Variants in NTRK3 observed in about 807,000 individuals in gnomAD.
NTRK3 encodes neurotrophic receptor tyrosine kinase 3.
In NTRK3, 24 loss-of-function variants were observed where a neutral mutation model predicts 91.7. The ratio of observed to expected loss-of-function variants is 0.26; its 90% CI spans 0.19 to 0.37. The LOEUF is 0.37. Among genes scored for constraint, NTRK3 ranks in the 10% least tolerant of loss-of-function variants. The pLI, the probability that NTRK3 is intolerant of heterozygous loss-of-function variation, is 1.00. For missense variants in NTRK3, 880 were observed against 1,068.9 expected, an observed-to-expected ratio of 0.82 and a Z score of 2.46; for synonymous variants, 483 against 404.0, an observed-to-expected ratio of 1.20 and a Z score of -2.34.
At chr15:88,072,453 A>T (rs2047174798) in intron 13 of NTRK3, 1 of 228,914 alleles carries the variant, frequency 4.4e-6, no homozygotes, top group Non-Finnish European at 8.7e-6. Flanking sequence ...TATTCCGGAG[A>T]GGGAGAGGTC....
chr15:87,929,107 A>T (rs2068572333), intron 17 of NTRK3, 84 bp downstream of exon 17: 2 of 1,605,290 alleles, frequency 1.2e-6, no homozygotes, highest in East Asian at 4.5e-5. Context: ...TGCCAGAGTG[A>T]CAGGGTTAAT....
chr15:88,252,066 A>C (rs1332048663), intron 3 of NTRK3, among the ~76,000 whole-genome samples: 1 of 152,150 alleles, frequency 6.6e-6, no homozygotes, highest in Non-Finnish European at 1.5e-5. Flanking sequence ...CAGGAGACCA[A>C]GGTCTCCAGG....
intron 3 of NTRK3, among the ~76,000 whole-genome samples, chr15:88,216,533 A>C (rs1401961409): frequency 1.3e-5 from 2 of 152,194 alleles, no homozygotes; most frequent in Non-Finnish European, 2.9e-5. Flanking sequence ...ACCCCAAATT[A>C]GCAGTGAGAC....
chr15:88,114,865 G>C (rs2051861266), intron 13 of NTRK3, among the ~76,000 whole-genome samples: 1 of 152,118 alleles, frequency 6.6e-6, no homozygotes, highest in African/African-American at 2.4e-5. Context: ...TTTAAAAGTT[G>C]TCATTTTTAA....
chr15:88,082,622 T>C (rs922464918), intron 13 of NTRK3, among the ~76,000 whole-genome samples: 1 of 152,208 alleles, frequency 6.6e-6, no homozygotes, highest in Non-Finnish European at 1.5e-5. Flanking sequence ...TTCTCTCTTA[T>C]GTCTGGCTTC....
intron 13 of NTRK3, among the ~76,000 whole-genome samples, chr15:88,096,497 C>T (rs1489729222): frequency 6.6e-6 from 1 of 152,170 alleles, no homozygotes; most frequent in Non-Finnish European, 1.5e-5. Flanking sequence ...CCTGAGTCTC[C>T]TGGCAAAGAC....
chr15:88,108,222 A>G (rs2050923302), intron 13 of NTRK3, among the ~76,000 whole-genome samples: 1 of 152,202 alleles, frequency 6.6e-6, no homozygotes, highest in African/African-American at 2.4e-5. Flanking sequence ...ACCCTCCATG[A>G]AACCCACAGA....
At chr15:88,058,107 G>A (rs2045889768) in intron 13 of NTRK3, among the ~76,000 whole-genome samples, 1 of 152,242 alleles carries the variant, frequency 6.6e-6, no homozygotes, top group Admixed American at 6.5e-5. Flanking sequence ...GGGAAGGCAA[G>A]AGCAGATGGC....
At chr15:88,073,166 G>T (rs548468585) in intron 13 of NTRK3, among the ~76,000 whole-genome samples, 1 of 152,254 alleles carries the variant, frequency 6.6e-6, no homozygotes, top group East Asian at 1.9e-4. Context: ...CCTCACCTGG[G>T]ATCTTGTTAA....
intron 13 of NTRK3, among the ~76,000 whole-genome samples, chr15:88,067,226 C>A (rs3784429): frequency 6.6e-6 from 1 of 151,914 alleles, no homozygotes; most frequent in Admixed American, 6.6e-5. Context: ...GACTCCCACA[C>A]GCCATTTTTT....
chr15:88,146,518 C>T (rs571415982), intron 6 of NTRK3, among the ~76,000 whole-genome samples: 111 of 152,216 alleles, frequency 7.3e-4, no homozygotes, highest in Non-Finnish European at 1.3e-3. Flanking sequence ...TTTATACCCT[C>T]AACATAATAT....
intron 13 of NTRK3, among the ~76,000 whole-genome samples, chr15:88,037,996 C>T (rs1201949146): frequency 6.6e-6 from 1 of 152,208 alleles, no homozygotes; most frequent in Non-Finnish European, 1.5e-5. Flanking sequence ...CATAACCCTC[C>T]ACCAGCACTG....
At chr15:87,997,167 A>G (rs1257404950) in intron 14 of NTRK3, among the ~76,000 whole-genome samples, 2 of 152,208 alleles carry the variant, frequency 1.3e-5, no homozygotes, top group Non-Finnish European at 2.9e-5. Context: ...AATGGGGATA[A>G]CTATACTTCC....
chr15:87,887,441 A>G (rs1361101390), intron 17 of NTRK3, among the ~76,000 whole-genome samples: 1 of 152,226 alleles, frequency 6.6e-6, no homozygotes, highest in Non-Finnish European at 1.5e-5. Flanking sequence ...AGAGTGAAGC[A>G]ACAGCCTGCC....
At chr15:87,917,997 GT>G (rs5814312) in intron 17 of NTRK3, among the ~76,000 whole-genome samples, 13,727 of 150,058 alleles carry the variant, frequency 0.091, 864 homozygotes, top group African/African-American at 0.17. Context: ...GTTTTTTTGT[GT>G]TTTTTTTTTG....
intron 4 of NTRK3, 46 bp from the exon 5 acceptor site, chr15:88,183,535 G>A: frequency 6.4e-7 from 1 of 1,551,142 alleles, no homozygotes. Context: ...AGTGGCAGAG[G>A]GATATCTGCT....
intron 14 of NTRK3, among the ~76,000 whole-genome samples, chr15:87,944,998 A>G (rs950767972): frequency 3.3e-5 from 5 of 152,182 alleles, no homozygotes; most frequent in African/African-American, 1.2e-4. Flanking sequence ...CTAAGAGGAG[A>G]GGGCATCAAT....
intron 5 of NTRK3, among the ~76,000 whole-genome samples, chr15:88,168,266 G>A (rs1289319862): frequency 4.6e-5 from 7 of 152,082 alleles, no homozygotes. Flanking sequence ...TCACTGCTAA[G>A]GGGTCTTCCT....
chr15:87,904,655 G>A (rs930713937), intron 17 of NTRK3, among the ~76,000 whole-genome samples: 2 of 152,284 alleles, frequency 1.3e-5, no homozygotes, highest in Middle Eastern at 3.4e-3. Flanking sequence ...ATTCTTTTAA[G>A]CTTCAGCTAA....
Sources: allele counts gnomAD v4.1 joint callset (sites outside exome capture counted in the v4.1 genomes callset), GRCh38; gene constraint gnomAD v4.1.1; transcripts MANE v1.5; gene names NCBI Gene and HGNC (gene_info 2026-07-23, HGNC 2026-07-21).